Variants in FLNA observed in about 807,000 individuals in gnomAD.
FLNA encodes filamin-A.
A neutral mutation model predicts 157.6 loss-of-function variants in FLNA; 7 were observed. The ratio of observed to expected loss-of-function variants is 0.04; its 90% CI spans 0.03 to 0.08. The LOEUF is 0.08. Ranked by LOEUF, FLNA falls within the 10% of genes least tolerant of loss-of-function variation. The pLI, the probability that FLNA is intolerant of heterozygous loss-of-function variation, is 1.00. For synonymous variants in FLNA, 1,103 were observed against 1,060.8 expected (o/e 1.04, Z -0.77); for missense variants, 1,750 against 2,398.4 (o/e 0.73, Z 5.65).
rs1557176052 is a variant in FLNA at position 154,352,831 on chromosome X, C to G, written c.6320G>C (p.Cys2107Ser). 8.3e-7 allele frequency: 1 copy of G among 1,211,663 alleles called. No homozygotes were observed. Among genetic ancestry groups the G allele is most frequent in the Non-Finnish European group, 1.1e-6 (1 of 895,372 alleles). The change falls in exon 39 of 48, where the codon TGC becomes TCC. Residue 2107 changes from cysteine (C) to serine (S), a missense_variant. Cys to Ser is a moderately radical substitution (Grantham distance 112). This residue lies in a region of FLNA where 970 missense variants were observed against 1,302.6 expected (regional missense o/e 0.74). Transcript: ENST00000369850. ...LEDGTCRVTY[C>S]PTEPGNYIIN... ...GATGTAGTTGCCTGGCTCTGTGGGG[C>G]AGTAGGTGACCCTGCACGTCCCGTC...
At chrX:154,361,826 A>G (rs1202787139) in intron 19 of FLNA, 39 bp from the exon 20 acceptor site, 1 of 1,122,141 alleles carries the variant, frequency 8.9e-7, no homozygotes, top group African/African-American at 1.8e-5. Context: ...ATTTAGAGAC[A>G]CCAGAATTGC....
chrX:154,360,134 A>G lies in FLNA; in HGVS notation c.3661T>C (p.Tyr1221His). Residue 1221 changes from tyrosine to histidine, a missense_variant, in exon 22 of 48, where the codon TAC becomes CAC. Physicochemically the swap from Tyr to His is moderately conservative, Grantham distance 83. This residue lies in a region of FLNA where 970 missense variants were observed against 1,302.6 expected (regional missense o/e 0.74). Transcript: ENST00000369850. Reference protein sequence around the residue: ...DHGDGTHTITYIPLCPGAYTV... With the variant: ...DHGDGTHTITHIPLCPGAYTV... Reference sequence around the variant, plus strand: ...TAGGCCCCGGGGCAGAGGGGAATGTAGGTAATGGTGTGCGTGCCATCACCG... The same window carrying G: ...TAGGCCCCGGGGCAGAGGGGAATGTGGGTAATGGTGTGCGTGCCATCACCG... 1 of 1,210,104 alleles carries G rather than the reference A, an allele frequency of 8.3e-7. No individual in the cohort carries two copies. The highest frequency in any genetic ancestry group is 1.8e-5 in the South Asian group (1 of 57,019).
rs1557180269 is a variant in FLNA, at chrX:154,371,213, G to A, written c.33C>T (p.Ser11=). The A allele has an allele frequency of 3.3e-6, 4 of 1,199,138 alleles. No individual in the cohort carries two copies. The South Asian group carries it at 5.4e-5, about 16-fold the overall frequency. Residue 11 remains serine (S), a synonymous_variant, in exon 2 of 48, where the codon AGC becomes AGT. Coordinates refer to ENST00000369850, the MANE Select transcript of FLNA (RefSeq NM_001110556.2). The part of the protein sequence containing the change: MSSSHSRAGQ[S]AAGAAPGGGV... ...CGCCGCCCGGAGCCGCGCCTGCTGC[G>A]CTCTGGCCCGCCCGAGAGTGGGAGC...
chrX:154,348,837 C>T lies in FLNA; in HGVS notation c.*12G>A, dbSNP rs782219910. 11 of 1,188,882 alleles carry T rather than the reference C, an allele frequency of 9.3e-6. No homozygotes were observed. In the African/African-American group the frequency reaches 1.4e-4, roughly 15 times the overall value. On this transcript the variant is annotated 3_prime_UTR_variant, in exon 48 of 48. Transcript: ENST00000369850. ...CAGGCTTGGGGGCTGCCGGCTGGCA[C>T]GGGCCCCAGACTCAGGGCACCACAA...
intron 44 of FLNA, chrX:154,350,462 G>A: frequency 2.3e-6 from 1 of 430,801 alleles, no homozygotes; most frequent in Non-Finnish European, 4.1e-6. Context: ...TGCCTCCTAA[G>A]AAAGGTTACC....
chrX:154,366,007 G>C lies in FLNA; in HGVS notation c.1429+17C>G. 8.4e-7 allele frequency: 1 copy of C among 1,187,821 alleles called. No homozygotes were observed. Among genetic ancestry groups the C allele is most frequent in the Non-Finnish European group, 1.1e-6 (1 of 881,039 alleles). On this transcript the variant is annotated intron_variant, in intron 9 of 47. Coordinates refer to ENST00000369850, the MANE Select transcript of FLNA (RefSeq NM_001110556.2). ...GACTGCAGTGCCACAGCAGAGGGCA[G>C]TCAGGGCCGGGCCTACCTTGGCCAA...
intron 30 of FLNA, among the ~76,000 whole-genome samples, chrX:154,355,439 G>A (rs1281399930): frequency 1.8e-5 from 2 of 113,823 alleles, no homozygotes; most frequent in Non-Finnish European, 1.9e-5. Context: ...CTGGGCACAC[G>A]GCTGCCTGCG....
In FLNA at chrX:154,359,600, G is replaced by A; in HGVS notation, c.4026C>T (p.Ser1342=). Residue 1342 remains serine, a synonymous_variant, in exon 24 of 48, where the codon AGC becomes AGT. Coordinates refer to ENST00000369850, the MANE Select transcript of FLNA (RefSeq NM_001110556.2). Reference sequence around the variant, plus strand: ...CGGTCACGGGCACCTGGAAGGGGCTGCTGGGCACGGGACTGCCGTCATAGG... The same window carrying A: ...CGGTCACGGGCACCTGGAAGGGGCTACTGGGCACGGGACTGCCGTCATAGG... ...DVTYDGSPVP[S]SPFQVPVTEG... The A allele has an allele frequency of 2.5e-6, 3 of 1,211,075 alleles. No individual in the cohort carries two copies. The highest frequency in any genetic ancestry group is 3.4e-6 in the Non-Finnish European group (3 of 895,392).
chrX:154,363,788 G>A (rs1428892081), intron 15 of FLNA, among the ~76,000 whole-genome samples: 2 of 111,929 alleles, frequency 1.8e-5, no homozygotes, highest in Non-Finnish European at 3.8e-5. Flanking sequence ...ACGAAAACAC[G>A]GAAAACTTCG....
rs1557175468 is a variant in FLNA at position 154,350,194 on chromosome X, C to T, written c.7170G>A (p.Val2390=). The T allele has an allele frequency of 8.3e-7, 1 of 1,211,664 alleles. No individual in the cohort carries two copies. The highest frequency in any genetic ancestry group is 1.1e-6 in the Non-Finnish European group (1 of 895,319). ...CGCCATTCTCCCGAGGGATGAAGCG[C>T]ACAGCATACTTATCTGAGGAGCAGG... The part of the protein sequence containing the change: ...VTEIDQDKYA[V]RFIPRENGVY... Residue 2390 remains valine, a synonymous_variant, in exon 45 of 48, where the codon GTG becomes GTA. Transcript: ENST00000369850.
chrX:154,350,006 C>T (rs201715941), intron 45 of FLNA, 25 bp downstream of exon 45: 125 of 1,206,400 alleles, frequency 1.0e-4, no homozygotes, highest in Middle Eastern at 2.3e-4. Context: ...TGTGTGCACA[C>T]GTGCAGCCGC....
intron 30 of FLNA, among the ~76,000 whole-genome samples, chrX:154,356,517 C>A (rs2239469): frequency 0.3 from 33,330 of 111,835 alleles, 7,036 homozygotes; most frequent in African/African-American, 0.76. Context: ...GCCACCCTCT[C>A]ACCCTTTCCT....
chrX:154,365,274 A>T lies in FLNA; in HGVS notation c.1568-15T>A, dbSNP rs1557178961. The stretch of plus-strand genomic sequence containing the variant: ...CTCCTCTCCCTCTGCCAAGACAAGG[A>T]GGGCCTCAGGCCTGCCCAGCAGTGA... On this transcript the variant is annotated splice_polypyrimidine_tract_variant and intron_variant, in intron 10 of 47. Coordinates refer to ENST00000369850, the MANE Select transcript of FLNA (RefSeq NM_001110556.2). 8.3e-7 allele frequency: 1 copy of T among 1,211,809 alleles called. No individual in the cohort carries two copies. The highest frequency in any genetic ancestry group is 1.7e-5 in the African/African-American group (1 of 57,949).
chrX:154,357,337 C>A (rs1277687679), intron 29 of FLNA, 63 bp from the exon 30 acceptor site: 1 of 1,184,528 alleles, frequency 8.4e-7, no homozygotes, highest in Non-Finnish European at 1.1e-6. Context: ...GGGCGGCCCC[C>A]ACTCCCACAC....
At position 154,366,489 on chromosome X, in the gene FLNA, GC is replaced by G. The variant is rs1444154876; in HGVS notation, c.1066-20del. On this transcript the variant is annotated intron_variant, in intron 7 of 47. Coordinates refer to ENST00000369850, the MANE Select transcript of FLNA (RefSeq NM_001110556.2). ...CAGTAACCTGTCCCCAGAAGGGTGGGCCGTGAGGGTAGGGCTGGGGGCCTCC... is the reference window on the plus strand; with the variant it reads ...CAGTAACCTGTCCCCAGAAGGGTGGGCGTGAGGGTAGGGCTGGGGGCCTCC... 7 of 1,211,153 alleles carry G rather than the reference GC, an allele frequency of 5.8e-6. No individual in the cohort carries two copies. In the African/African-American group the frequency reaches 6.9e-5, roughly 12 times the overall value.
At chrX:154,357,946 C>T (rs1168696196) in intron 28 of FLNA, among the ~76,000 whole-genome samples, 2 of 112,577 alleles carry the variant, frequency 1.8e-5, no homozygotes, top group Admixed American at 1.9e-4. Context: ...GAGAATATTA[C>T]AGGTGGGGAA....
intron 26 of FLNA, 72 bp from the exon 27 acceptor site, chrX:154,358,640 G>C: frequency 8.8e-7 from 1 of 1,138,303 alleles, no homozygotes; most frequent in Non-Finnish European, 1.2e-6. Context: ...CACACTGGAC[G>C]GCCAGGACCC....
chrX:154,371,344 C>G lies in FLNA; in HGVS notation c.-99G>C, dbSNP rs2067806640. On this transcript the variant is annotated 5_prime_UTR_variant, in exon 2 of 48. Coordinates refer to ENST00000369850, the MANE Select transcript of FLNA (RefSeq NM_001110556.2). Reference sequence around the variant, plus strand: ...GCACCTAGGCGCGCGGGAGGCGAGGCAGGGAGCAGAGGTTGCGCTGCGGAG... The same window carrying G: ...GCACCTAGGCGCGCGGGAGGCGAGGGAGGGAGCAGAGGTTGCGCTGCGGAG... The G allele has an allele frequency of 3.6e-5, 38 of 1,053,654 alleles. 1 individual carries two copies. Among genetic ancestry groups the G allele is most frequent in the Non-Finnish European group, 4.8e-5 (38 of 784,010 alleles). 86.8% of individuals were successfully genotyped at this position (1,053,654 alleles called of 1,213,427 possible). A position where few individuals can be genotyped will look rare whatever the true frequency, so the allele number is the denominator to read the frequency against.
chrX:154,367,819 C>G, intron 3 of FLNA, 23 bp downstream of exon 3: 1 of 1,210,650 alleles, frequency 8.3e-7, no homozygotes, highest in Non-Finnish European at 1.1e-6. Context: ...AGCCCAGTCT[C>G]TCCTGCCTCT....
Sources: allele counts gnomAD v4.1 joint callset (sites outside exome capture counted in the v4.1 genomes callset), GRCh38; gene constraint gnomAD v4.1.1; regional missense constraint gnomAD v4.1.1; transcripts MANE v1.5; gene names NCBI Gene and HGNC (gene_info 2026-07-23, HGNC 2026-07-21).